ZNF423: variants seen among roughly 807,000 people sequenced by gnomAD.
The protein encoded by ZNF423 is zinc finger protein 423.
Under a neutral mutation model 95.8 loss-of-function variants are expected in ZNF423, and 12 were observed. That is an observed-to-expected ratio of 0.13 (90% CI 0.08 to 0.20). ZNF423 has a LOEUF of 0.20. ZNF423 is among the 10% of genes least tolerant of loss of function. The pLI is 1.00. For missense variants in ZNF423, 1,316 were observed against 1,737.1 expected (o/e 0.76, Z 4.31); for synonymous variants, 749 against 711.9 (o/e 1.05, Z -0.83).
At chr16:49,846,572 G>C (rs1486983756) in intron 1 of ZNF423, among the ~76,000 whole-genome samples, 1 of 152,150 alleles carries the variant, frequency 6.6e-6, no homozygotes, top group Non-Finnish European at 1.5e-5. Context: ...ATCTGCAGGG[G>C]CTGTCCTGGG....
chr16:49,832,452 C>T (rs2035070871), intron 1 of ZNF423, among the ~76,000 whole-genome samples: 1 of 152,120 alleles, frequency 6.6e-6, no homozygotes, highest in South Asian at 2.1e-4. Flanking sequence ...ATATCTCCAC[C>T]CCCAGCCAAT....
chr16:49,519,631 G>T (rs1247407768), intron 7 of ZNF423, among the ~76,000 whole-genome samples: 1 of 152,172 alleles, frequency 6.6e-6, no homozygotes, highest in African/African-American at 2.4e-5. Flanking sequence ...GGATACAAGT[G>T]CTTTATTCGA....
chr16:49,560,441 G>T (rs971556508), intron 5 of ZNF423, among the ~76,000 whole-genome samples: 4 of 152,196 alleles, frequency 2.6e-5, no homozygotes, highest in Non-Finnish European at 1.5e-5. Flanking sequence ...TCTGCGGTTG[G>T]GCTGGGATTT....
chr16:49,583,156 G>A (rs1970723710), intron 5 of ZNF423, among the ~76,000 whole-genome samples: 1 of 152,226 alleles, frequency 6.6e-6, no homozygotes, highest in African/African-American at 2.4e-5. Context: ...CAAAGGGTTA[G>A]GACCTAGGAA....
At chr16:49,508,020 G>A (rs750292676) in intron 7 of ZNF423, among the ~76,000 whole-genome samples, 176 of 152,256 alleles carry the variant, frequency 1.2e-3, no homozygotes, top group Non-Finnish European at 1.2e-3. Context: ...GACAGAAGCC[G>A]GGGCTGGTGG....
chr16:49,528,048 A>G (rs1034850669), intron 5 of ZNF423, among the ~76,000 whole-genome samples: 1 of 152,092 alleles, frequency 6.6e-6, no homozygotes, highest in African/African-American at 2.4e-5. Flanking sequence ...CAGAGGAGAG[A>G]CGTCCCCAGG....
intron 5 of ZNF423, among the ~76,000 whole-genome samples, chr16:49,575,708 C>T (rs1970476079): frequency 6.6e-6 from 1 of 152,230 alleles, no homozygotes; most frequent in East Asian, 1.9e-4. Flanking sequence ...GTCCCGACTT[C>T]CAAGCCAGCC....
At chr16:49,785,632 T>C (rs1443837400) in intron 2 of ZNF423, among the ~76,000 whole-genome samples, 1 of 152,254 alleles carries the variant, frequency 6.6e-6, no homozygotes, top group African/African-American at 2.4e-5. Flanking sequence ...CTGGCAACTC[T>C]GGACCCAGCC....
intron 5 of ZNF423, among the ~76,000 whole-genome samples, chr16:49,532,769 A>G (rs977115688): frequency 7.2e-5 from 11 of 152,222 alleles, no homozygotes; most frequent in Non-Finnish European, 1.5e-5. Flanking sequence ...ACTTGGGGCC[A>G]GGGCTTGAAA....
rs199629477 is a variant in ZNF423, at chr16:49,638,730, T to G, written c.446A>C (p.Gln149Pro). The G allele has an allele frequency of 6.2e-7, 1 of 1,614,192 alleles. No homozygotes were observed. Among genetic ancestry groups the G allele is most frequent in the Non-Finnish European group, 8.5e-7 (1 of 1,180,050 alleles). ...GCGGATGAAGGACTTGTCGCAGAAC[T>G]GGCAAGGGTATGGCAGGCCCGTGCC... ...EGGTGLPYPC[Q>P]FCDKSFIRLS... Residue 149 changes from glutamine to proline, a missense_variant, in exon 4 of 8, where the codon CAG becomes CCG. Gln to Pro is a moderately conservative substitution (Grantham distance 76). Around this residue, in one of 6 missense-constraint regions of ZNF423, gnomAD observed 58 missense variants for 116.9 expected, o/e 0.50. Coordinates refer to ENST00000563137, the MANE Select transcript of ZNF423 (RefSeq NM_001379286.1). The surrounding 1 kb of genome is among the most constrained non-coding windows in gnomAD (Gnocchi z 5.6).
chr16:49,677,133 G>A (rs548878415), intron 3 of ZNF423, among the ~76,000 whole-genome samples: 16 of 150,306 alleles, frequency 1.1e-4, no homozygotes, highest in African/African-American at 2.5e-4. Flanking sequence ...CAGGAGAATC[G>A]CTGGAACCCG....
At chr16:49,502,790 G>GAC (rs72202996) in intron 7 of ZNF423, among the ~76,000 whole-genome samples, 13,132 of 135,078 alleles carry the variant, frequency 0.097, 722 homozygotes, top group Middle Eastern at 0.13. Context: ...AAATACTCTA[G>GAC]ACACACACAC....
intron 3 of ZNF423, among the ~76,000 whole-genome samples, chr16:49,699,687 T>C (rs1054954604): frequency 6.6e-6 from 1 of 152,208 alleles, no homozygotes; most frequent in African/African-American, 2.4e-5. Context: ...GGCTTTTAGT[T>C]GTTTTGATGT....
intron 2 of ZNF423, among the ~76,000 whole-genome samples, chr16:49,773,038 G>C (rs1189228009): frequency 6.6e-6 from 1 of 152,178 alleles, no homozygotes; most frequent in Non-Finnish European, 1.5e-5. Flanking sequence ...CATCAGATTG[G>C]CTGGGCACTG....
At chr16:49,651,477 G>A (rs974717094) in intron 3 of ZNF423, among the ~76,000 whole-genome samples, 3 of 152,150 alleles carry the variant, frequency 2.0e-5, no homozygotes, top group African/African-American at 7.2e-5. Context: ...ACCATTAGGG[G>A]GTGTCCCGGG....
intron 4 of ZNF423, among the ~76,000 whole-genome samples, chr16:49,633,255 C>A (rs1330706528): frequency 6.6e-6 from 1 of 152,214 alleles, no homozygotes; most frequent in Non-Finnish European, 1.5e-5. Context: ...CAAGTCCTTA[C>A]TCCTCAATGA....
intron 5 of ZNF423, among the ~76,000 whole-genome samples, chr16:49,563,505 T>A (rs1299468084): frequency 6.6e-6 from 1 of 152,184 alleles, no homozygotes; most frequent in Non-Finnish European, 1.5e-5. Context: ...ACAAACGATA[T>A]CTCACTTAAT....
At chr16:49,694,571 C>A (rs1233021301) in intron 3 of ZNF423, among the ~76,000 whole-genome samples, 1 of 152,214 alleles carries the variant, frequency 6.6e-6, no homozygotes, top group Non-Finnish European at 1.5e-5. Context: ...CAGCTGCCTT[C>A]AGGGGATACC....
intron 2 of ZNF423, among the ~76,000 whole-genome samples, chr16:49,774,085 C>A (rs575273950): frequency 6.6e-6 from 1 of 152,194 alleles, no homozygotes. Context: ...GAGCTGTGGC[C>A]GTCCCTGATG....
Sources: allele counts gnomAD v4.1 joint callset (sites outside exome capture counted in the v4.1 genomes callset), GRCh38; gene constraint gnomAD v4.1.1; regional missense constraint gnomAD v4.1.1; non-coding constraint Gnocchi (gnomAD v3.1); transcripts MANE v1.5; gene names NCBI Gene and HGNC (gene_info 2026-07-23, HGNC 2026-07-21).